The following SH2D4B variants were observed in gnomAD, a reference collection of about 807,000 sequenced individuals.
SH2D4B encodes SH2 domain-containing protein 4B.
Under a neutral mutation model 61.5 loss-of-function variants are expected in SH2D4B, and 45 were observed. The ratio of observed to expected loss-of-function variants is 0.73; its 90% CI spans 0.58 to 0.94. The LOEUF (loss-of-function observed/expected upper bound fraction) is 0.94, where lower values mean the gene tolerates loss of function less well. Ranked by LOEUF, SH2D4B falls within the 40% of genes least tolerant of loss-of-function variation. The pLI is 0.00. For synonymous variants in SH2D4B, 224 were observed against 220.4 expected (o/e 1.02, Z -0.14); for missense variants, 572 against 574.2 (o/e 1.00, Z 0.04).
intron 3 of SH2D4B, among the ~76,000 whole-genome samples, chr10:80,580,427 C>T (rs1160775706): frequency 6.6e-6 from 1 of 152,136 alleles, no homozygotes; most frequent in East Asian, 1.9e-4. Context: ...GGTCGGTGGT[C>T]TCTTATCAGG....
chr10:80,576,136 G>C (rs1842122530), intron 3 of SH2D4B, among the ~76,000 whole-genome samples: 1 of 152,172 alleles, frequency 6.6e-6, no homozygotes, highest in African/African-American at 2.4e-5. Context: ...ATTAAGGTAT[G>C]AGTGGAGGTT....
rs189863964 is a variant in SH2D4B, at chr10:80,616,415, T to C, written c.988+6864T>C. 9.0e-4 allele frequency among the ~76,000 whole-genome samples: 137 copies of C among 152,298 alleles called. 1 individual carries two copies. The highest frequency in any genetic ancestry group is 4.1e-3 in the Admixed American group (62 of 15,294). On this transcript the variant is annotated intron_variant, in intron 6 of 7. Transcript: ENST00000646907. ...CTGAAAAATAAAGGAATATTTTCCT[T>C]CATGTTTTTTTCAGGTGTGCACTGG...
At chr10:80,567,037 A>G (rs1841978637) in intron 1 of SH2D4B, among the ~76,000 whole-genome samples, 1 of 152,234 alleles carries the variant, frequency 6.6e-6, no homozygotes, top group Admixed American at 6.5e-5. Context: ...TTATTACTTA[A>G]CTATTTCACA....
intron 1 of SH2D4B, among the ~76,000 whole-genome samples, chr10:80,558,003 C>A (rs1166509314): frequency 6.6e-6 from 1 of 152,092 alleles, no homozygotes; most frequent in African/African-American, 2.4e-5. Flanking sequence ...CCTGCTTTAA[C>A]TACATCACAT....
intron 3 of SH2D4B, among the ~76,000 whole-genome samples, chr10:80,579,775 C>T (rs2132124179): frequency 6.6e-6 from 1 of 152,178 alleles, no homozygotes; most frequent in Non-Finnish European, 1.5e-5. Context: ...ACGATTACTG[C>T]TTTATTTCCA....
At chr10:80,604,252 T>C (rs1447891913) in intron 5 of SH2D4B, among the ~76,000 whole-genome samples, 2 of 152,132 alleles carry the variant, frequency 1.3e-5, no homozygotes, top group Non-Finnish European at 2.9e-5. Context: ...GAATAGTAGG[T>C]TTGCAGTTTA....
At chr10:80,637,258 C>T (rs1200136367) in intron 7 of SH2D4B, among the ~76,000 whole-genome samples, 3 of 152,158 alleles carry the variant, frequency 2.0e-5, no homozygotes, top group Non-Finnish European at 4.4e-5. Context: ...TTAGGATTGT[C>T]TTGGCAATGC....
At chr10:80,575,109 A>C (rs1842109671) in intron 3 of SH2D4B, among the ~76,000 whole-genome samples, 1 of 151,954 alleles carries the variant, frequency 6.6e-6, no homozygotes, top group South Asian at 2.1e-4. Flanking sequence ...GAAAAGTTGA[A>C]AGAAAAAATA....
At chr10:80,609,729 C>T (rs11813417) in intron 6 of SH2D4B, among the ~76,000 whole-genome samples, 178 bp downstream of exon 6, 2,280 of 152,316 alleles carry the variant, frequency 0.015, 39 homozygotes, top group Non-Finnish European at 0.02. Context: ...GGATGCTGAA[C>T]GGGCCTCCCA....
At chr10:80,572,971 T>C (rs1589340328) in intron 3 of SH2D4B, among the ~76,000 whole-genome samples, 1 of 9,580 alleles carries the variant, frequency 1.0e-4, no homozygotes, top group African/African-American at 5.0e-4. Flanking sequence ...TATATATATA[T>C]ATATATATAT....
At chr10:80,621,080 T>C (rs1286166500) in intron 6 of SH2D4B, among the ~76,000 whole-genome samples, 1 of 152,224 alleles carries the variant, frequency 6.6e-6, no homozygotes, top group Non-Finnish European at 1.5e-5. Flanking sequence ...TTCTTTTTAT[T>C]CAGTTGTCAA....
At chr10:80,587,147 TTTTG>T (rs1564775923) in intron 3 of SH2D4B, among the ~76,000 whole-genome samples, 16 of 53,470 alleles carry the variant, frequency 3.0e-4, no homozygotes, top group Admixed American at 3.9e-4. Flanking sequence ...TTTTTTTTTG[TTTTG>T]TTTTTTTTTT....
chr10:80,627,390 C>T (rs1335522385), intron 6 of SH2D4B, among the ~76,000 whole-genome samples: 2 of 152,150 alleles, frequency 1.3e-5, no homozygotes, highest in East Asian at 3.9e-4. Context: ...CTATCGTACA[C>T]CTCTGGCCAT....
chr10:80,627,269 C>T (rs1029976480), intron 6 of SH2D4B, among the ~76,000 whole-genome samples: 1 of 152,156 alleles, frequency 6.6e-6, no homozygotes, highest in Admixed American at 6.5e-5. Context: ...ATTTTCCACA[C>T]TTGAACATTC....
intron 1 of SH2D4B, among the ~76,000 whole-genome samples, chr10:80,565,366 C>T (rs2132114759): frequency 6.7e-6 from 1 of 148,586 alleles, no homozygotes; most frequent in South Asian, 2.2e-4. Flanking sequence ...CCCTCTATCT[C>T]CATGAAGAAC....
intron 6 of SH2D4B, among the ~76,000 whole-genome samples, chr10:80,623,215 G>A (rs1030534783): frequency 2.0e-5 from 3 of 152,238 alleles, no homozygotes; most frequent in Admixed American, 6.5e-5. Context: ...GTGCCTGGCC[G>A]AAACTGGATA....
chr10:80,566,297 C>CT (rs75474550), intron 1 of SH2D4B, among the ~76,000 whole-genome samples: 3,079 of 130,440 alleles, frequency 0.024, 54 homozygotes, highest in South Asian at 0.069. Context: ...AGATCAATTT[C>CT]TTTTTTTTTT....
Position 80,613,384 on chromosome 10 carries a change from C to T in SH2D4B, c.988+3833C>T, listed in dbSNP as rs548306363. 2.0e-5 allele frequency among the ~76,000 whole-genome samples: 3 copies of T among 152,356 alleles called. No individual in the cohort carries two copies. In the South Asian group the frequency reaches 6.2e-4, roughly 32 times the overall value. On this transcript the variant is annotated intron_variant, in intron 6 of 7. Coordinates refer to ENST00000646907, the MANE Select transcript of SH2D4B (RefSeq NM_001388272.1). Reference sequence around the variant, plus strand: ...AATGTTCTCTGTCTGAACATTGGCTCAGTCAGAACCCATTTCTCTTCCTGA... The same window carrying T: ...AATGTTCTCTGTCTGAACATTGGCTTAGTCAGAACCCATTTCTCTTCCTGA...
In SH2D4B at chr10:80,569,097, G is replaced by A. The variant is rs532837332; in HGVS notation, c.185-1057G>A. 3.3e-5 allele frequency among the ~76,000 whole-genome samples: 5 copies of A among 152,328 alleles called. No individual in the cohort carries two copies. In the South Asian group the frequency reaches 1.0e-3, roughly 32 times the overall value. ...AATCCTGTAATCAGCGGAATCTGCT[G>A]CAATAGGCAAACTGAGAAATCTCAG... is the stretch of plus-strand genomic sequence containing the variant. On this transcript the variant is annotated intron_variant, in intron 1 of 7. Coordinates refer to ENST00000646907, the MANE Select transcript of SH2D4B (RefSeq NM_001388272.1).
Sources: gnomAD v4.1 joint callset for allele counts (sites outside exome capture counted in the v4.1 genomes callset) on GRCh38, gnomAD v4.1.1 for gene constraint, MANE v1.5 for transcripts, NCBI Gene and HGNC (gene_info 2026-07-23, HGNC 2026-07-21) for gene names.